ASIC2: variants seen among roughly 807,000 people sequenced by gnomAD.
ASIC2 encodes the protein acid-sensing ion channel 2.
Under a neutral mutation model 57.3 loss-of-function variants are expected in ASIC2, and 25 were observed. The ratio of observed to expected loss-of-function variants is 0.44; its 90% CI spans 0.32 to 0.61. The LOEUF (loss-of-function observed/expected upper bound fraction) is 0.61, where lower values mean the gene tolerates loss of function less well. ASIC2 is among the 20% of genes least tolerant of loss of function. The probability of loss-of-function intolerance (pLI) is 0.06; values close to 1 mark genes in which losing one functional copy is unlikely to be tolerated. For synonymous variants in ASIC2, 319 were observed against 307.5 expected (o/e 1.04, Z -0.39); for missense variants, 641 against 738.1 (o/e 0.87, Z 1.52).
At chr17:33,147,778 G>A (rs982204073) in intron 1 of ASIC2, among the ~76,000 whole-genome samples, 9 of 152,160 alleles carry the variant, frequency 5.9e-5, no homozygotes, top group African/African-American at 1.9e-4. Context: ...TTTATTGACC[G>A]TGGCACATCC....
chr17:33,341,363 A>G (rs1051421606), intron 1 of ASIC2, among the ~76,000 whole-genome samples: 1 of 152,140 alleles, frequency 6.6e-6, no homozygotes, highest in African/African-American at 2.4e-5. Flanking sequence ...TCATCATCCA[A>G]TCCAAGCCAC....
chr17:33,497,639 G>A (rs1261310060), intron 1 of ASIC2, among the ~76,000 whole-genome samples: 1 of 152,180 alleles, frequency 6.6e-6, no homozygotes, highest in African/African-American at 2.4e-5. Flanking sequence ...TAGGGCAGGG[G>A]GAGTGAAGAG....
At chr17:33,280,086 G>A (rs1452742823) in intron 1 of ASIC2, among the ~76,000 whole-genome samples, 6 of 152,014 alleles carry the variant, frequency 3.9e-5, no homozygotes, top group Admixed American at 1.3e-4. Context: ...GGCACATAGC[G>A]GGTGCCTACA....
intron 1 of ASIC2, among the ~76,000 whole-genome samples, chr17:34,108,408 T>C (rs998936161): frequency 9.2e-5 from 14 of 152,164 alleles, no homozygotes; most frequent in Admixed American, 1.3e-4. Flanking sequence ...ATTTGAACTA[T>C]AGTTTATAAA....
At chr17:33,098,512 C>A (rs868384847) in intron 2 of ASIC2, among the ~76,000 whole-genome samples, 5 of 152,156 alleles carry the variant, frequency 3.3e-5, no homozygotes, top group African/African-American at 7.2e-5. Flanking sequence ...TGTCCCCATG[C>A]GGGATGGGCT....
intron 1 of ASIC2, among the ~76,000 whole-genome samples, chr17:33,805,218 C>T (rs1270735950): frequency 1.3e-5 from 2 of 152,120 alleles, no homozygotes; most frequent in Non-Finnish European, 2.9e-5. Flanking sequence ...TTACAGTTGG[C>T]CTGTGTTTCT....
chr17:34,143,596 C>A (rs750539950), intron 1 of ASIC2, among the ~76,000 whole-genome samples: 2 of 152,194 alleles, frequency 1.3e-5, no homozygotes, highest in East Asian at 3.9e-4. Flanking sequence ...AGGCTCTCAG[C>A]AGACCTTTTC....
At chr17:33,514,096 C>A (rs578047139) in intron 1 of ASIC2, among the ~76,000 whole-genome samples, 1 of 152,342 alleles carries the variant, frequency 6.6e-6, no homozygotes, top group African/African-American at 2.4e-5. Context: ...CAATTCCCAG[C>A]TGTAGGCAGT....
intron 1 of ASIC2, among the ~76,000 whole-genome samples, chr17:33,283,221 C>G (rs1315903545): frequency 1.3e-5 from 2 of 152,204 alleles, no homozygotes; most frequent in Admixed American, 1.3e-4. Context: ...ATCCCACATG[C>G]ACTTTTATAG....
intron 1 of ASIC2, among the ~76,000 whole-genome samples, chr17:33,235,657 C>A (rs908122284): frequency 1.3e-5 from 2 of 152,090 alleles, no homozygotes; most frequent in African/African-American, 4.8e-5. Context: ...TACGTCTTTG[C>A]AGAAGGAACC....
intron 1 of ASIC2, among the ~76,000 whole-genome samples, chr17:34,055,078 G>A (rs1168358038): frequency 3.9e-5 from 6 of 152,192 alleles, no homozygotes; most frequent in Non-Finnish European, 8.8e-5. Flanking sequence ...TAAAGGACAG[G>A]AAGACAGGAG....
At chr17:33,946,683 C>T (rs968745954) in intron 1 of ASIC2, among the ~76,000 whole-genome samples, 5 of 152,174 alleles carry the variant, frequency 3.3e-5, no homozygotes. Context: ...CTGTCCTATT[C>T]AGAGTCTAAA....
At position 34,156,178 on chromosome 17, in the gene ASIC2, C is replaced by T. The variant is rs1318764878; in HGVS notation, c.355G>A (p.Val119Ile). The T allele has an allele frequency of 1.9e-6, 3 of 1,614,146 alleles. No individual in the cohort carries two copies. Among genetic ancestry groups the T allele is most frequent in the South Asian group, 1.1e-5 (1 of 91,076 alleles). The stretch of plus-strand genomic sequence containing the variant: ...TGGGGGTCCGGGATCTGCAGGTTGA[C>T]ATCCAGCAGGGCCAGCAGCTCCCCA... Residue 119 changes from valine to isoleucine, a missense_variant, in exon 1 of 10, where the codon GTC becomes ATC. Coordinates refer to the ASIC2 transcript ENST00000359872. This position sits in a 1 kb window ranked among gnomAD's most constrained non-coding sequence, Gnocchi z 4.4.
At chr17:33,510,485 A>G (rs982098937) in intron 1 of ASIC2, among the ~76,000 whole-genome samples, 1 of 151,804 alleles carries the variant, frequency 6.6e-6, no homozygotes. Flanking sequence ...CTCTACAAAA[A>G]CTAAACAGAA....
At chr17:33,258,577 C>T (rs554894889) in intron 1 of ASIC2, among the ~76,000 whole-genome samples, 80 of 152,174 alleles carry the variant, frequency 5.3e-4, no homozygotes, top group African/African-American at 1.8e-3. Flanking sequence ...AAAAGTACAG[C>T]GGCCCTGAGG....
intron 1 of ASIC2, among the ~76,000 whole-genome samples, chr17:33,648,604 C>G (rs900260966): frequency 1.3e-5 from 2 of 152,200 alleles, no homozygotes; most frequent in African/African-American, 4.8e-5. Flanking sequence ...ACATGCGCAG[C>G]CTGCATTGTG....
At chr17:33,453,285 A>G (rs1205303014) in intron 1 of ASIC2, among the ~76,000 whole-genome samples, 2 of 33,206 alleles carry the variant, frequency 6.0e-5, no homozygotes, top group African/African-American at 1.4e-4. Flanking sequence ...AAAGCAGGTG[A>G]AAAAAAAAAA....
chr17:33,682,538 C>A (rs1794236931), intron 1 of ASIC2, among the ~76,000 whole-genome samples: 1 of 152,032 alleles, frequency 6.6e-6, no homozygotes, highest in South Asian at 2.1e-4. Flanking sequence ...ATGTTTTAGT[C>A]CTGATAGTTC....
chr17:33,232,872 G>T (rs998746990), intron 1 of ASIC2, among the ~76,000 whole-genome samples: 1 of 152,186 alleles, frequency 6.6e-6, no homozygotes, highest in African/African-American at 2.4e-5. Flanking sequence ...TGCTTGTATT[G>T]TGCTTTGTCC....
Sources: allele counts gnomAD v4.1 joint callset (sites outside exome capture counted in the v4.1 genomes callset), GRCh38; gene constraint gnomAD v4.1.1; non-coding constraint Gnocchi (gnomAD v3.1); transcripts MANE v1.5; gene names NCBI Gene and HGNC (gene_info 2026-07-23, HGNC 2026-07-21).